Variants in RBFOX2 observed in about 807,000 individuals in gnomAD.
RBFOX2 encodes RNA binding fox-1 homolog 2, also known as RNA binding protein fox-1 homolog 2.
RBFOX2 carries 10 observed loss-of-function variants against 49.1 expected under a neutral mutation model. That is an observed-to-expected ratio of 0.20 (90% CI 0.13 to 0.35). The LOEUF (loss-of-function observed/expected upper bound fraction) is 0.35, where lower values mean the gene tolerates loss of function less well. Ranked by LOEUF, RBFOX2 falls within the 10% of genes least tolerant of loss-of-function variation. RBFOX2 has a pLI of 1.00. For missense variants in RBFOX2, 323 were observed against 486.9 expected, an observed-to-expected ratio of 0.66 and a Z score of 3.17; for synonymous variants, 183 against 187.4, an observed-to-expected ratio of 0.98 and a Z score of 0.19.
chr22:35,773,784 T>C lies in RBFOX2; in HGVS notation c.453+4241A>G, dbSNP rs192155668. ...ATGTTACAATCTGTGTATTTCTTTA[T>C]TTAATAAGCTTGATAATTATCACCA... On this transcript the variant is annotated intron_variant, in intron 4 of 11. Coordinates refer to ENST00000405409, the Ensembl canonical transcript of RBFOX2. 1.5e-3 allele frequency among the ~76,000 whole-genome samples: 229 copies of C among 152,240 alleles called. 2 individuals are homozygous for C. Among genetic ancestry groups the C allele is most frequent in the Non-Finnish European group, 4.1e-4 (28 of 67,934 alleles).
chr22:35,996,562 G>A (rs1167717902), intron 1 of RBFOX2: 2 of 148,718 alleles, frequency 1.3e-5, no homozygotes, highest in South Asian at 2.1e-4. Context: ...CTGAGATTGT[G>A]CCACTACACT....
In RBFOX2 at chr22:35,759,795, C is replaced by T. The variant is rs962446604; in HGVS notation, c.887+93G>A. On this transcript the variant is annotated intron_variant, in intron 9 of 11. Coordinates refer to ENST00000405409, the Ensembl canonical transcript of RBFOX2. The surrounding 1 kb of genome is among the most constrained non-coding windows in gnomAD (Gnocchi z 4.6). ...ACTGAATGCCTACTCTGTGACACGG[C>T]AACATCCCAGAAGTTATGAAAGGGC... The T allele has an allele frequency of 3.3e-6, 5 of 1,527,420 alleles. No homozygotes were observed. The Admixed American group carries it at 5.5e-5, about 17-fold the overall frequency. The allele number at this position is 1,527,420 out of a possible 1,614,324, so 94.6% of individuals were successfully genotyped here.
chr22:35,916,839 C>T (rs543646491), intron 1 of RBFOX2, among the ~76,000 whole-genome samples: 212 of 151,256 alleles, frequency 1.4e-3, no homozygotes, highest in African/African-American at 4.6e-3. Context: ...CCACTGCACT[C>T]CAGCCTGGGA....
Position 35,761,193 on chromosome 22 carries a change from G to C in RBFOX2, c.754+9C>G. 1 of 1,609,674 alleles carries C rather than the reference G, an allele frequency of 6.2e-7. No homozygotes were observed. Among genetic ancestry groups the C allele is most frequent in the South Asian group, 1.1e-5 (1 of 90,970 alleles). On this transcript the variant is annotated intron_variant, in intron 8 of 11. Transcript: ENST00000405409. ...CAAAATCCATGCCAGGCCAACATAG[G>C]CTACTTACTGATTAAAGGAATGTAA...
chr22:35,741,505 G>C (rs1929942729), exon 12 of RBFOX2: 1 of 152,434 alleles, frequency 6.6e-6, no homozygotes, highest in Admixed American at 6.5e-5. Flanking sequence ...AGTTCAAAAG[G>C]TGACGGGGAG....
intron 5 of RBFOX2, among the ~76,000 whole-genome samples, chr22:35,766,949 A>C (rs1299237700): frequency 6.6e-6 from 1 of 152,172 alleles, no homozygotes; most frequent in Non-Finnish European, 1.5e-5. Context: ...GGTAGGGAAA[A>C]AGAAAAGAGA....
chr22:35,846,869 A>G (rs1006498887), intron 1 of RBFOX2, among the ~76,000 whole-genome samples: 2 of 152,186 alleles, frequency 1.3e-5, no homozygotes, highest in African/African-American at 4.8e-5. Flanking sequence ...AAATTTAGCT[A>G]TACCTCCAAT....
intron 4 of RBFOX2, among the ~76,000 whole-genome samples, chr22:35,772,719 T>A (rs1227922118): frequency 2.0e-5 from 3 of 152,178 alleles, no homozygotes; most frequent in Non-Finnish European, 4.4e-5. Flanking sequence ...GGTGTATGGT[T>A]GTAGTTAAAA....
intron 4 of RBFOX2, among the ~76,000 whole-genome samples, chr22:35,769,188 A>G (rs976166865): frequency 6.6e-6 from 1 of 152,198 alleles, no homozygotes; most frequent in Non-Finnish European, 1.5e-5. Flanking sequence ...CTTTCTATAT[A>G]TAGAGAAAAA....
At chr22:35,898,751 A>G (rs2048186399) in intron 1 of RBFOX2, among the ~76,000 whole-genome samples, 1 of 152,188 alleles carries the variant, frequency 6.6e-6, no homozygotes, top group Non-Finnish European at 1.5e-5. Context: ...TTAACCAAGT[A>G]TCAATAAAAT....
chr22:35,928,642 G>GGACGAA (rs1264966258), intron 1 of RBFOX2, among the ~76,000 whole-genome samples: 1 of 152,154 alleles, frequency 6.6e-6, no homozygotes, highest in Non-Finnish European at 1.5e-5. Context: ...TATTGGAGAA[G>GGACGAA]GACGAAGATA....
intron 1 of RBFOX2, chr22:35,999,719 T>C (rs2058332025): frequency 6.6e-6 from 1 of 151,890 alleles, no homozygotes; most frequent in Admixed American, 6.6e-5. Flanking sequence ...CCCATGTTCA[T>C]GGGGGAAAAA....
chr22:35,775,714 GC>G (rs1232122632), intron 4 of RBFOX2, among the ~76,000 whole-genome samples: 1 of 151,418 alleles, frequency 6.6e-6, no homozygotes, highest in East Asian at 1.9e-4. Flanking sequence ...GGTAGTGTGC[GC>G]CTGTTATCCC....
chr22:35,973,344 T>G (rs908762875), intron 1 of RBFOX2, among the ~76,000 whole-genome samples: 1 of 152,054 alleles, frequency 6.6e-6, no homozygotes, highest in African/African-American at 2.4e-5. Flanking sequence ...CTTACAGGAG[T>G]CAGTAACTGT....
chr22:35,867,534 T>C (rs1180418297), intron 1 of RBFOX2, among the ~76,000 whole-genome samples: 1 of 152,214 alleles, frequency 6.6e-6, no homozygotes, highest in East Asian at 1.9e-4. Context: ...ACAAAATCAG[T>C]ATGCAGAAAC....
At chr22:35,777,326 A>C (rs1247547304) in intron 4 of RBFOX2, among the ~76,000 whole-genome samples, 1 of 152,216 alleles carries the variant, frequency 6.6e-6, no homozygotes, top group Non-Finnish European at 1.5e-5. Context: ...AGGGGAAATA[A>C]ATTTTAATTA....
At chr22:35,952,959 C>T (rs1389831809) in intron 1 of RBFOX2, among the ~76,000 whole-genome samples, 1 of 152,000 alleles carries the variant, frequency 6.6e-6, no homozygotes, top group Non-Finnish European at 1.5e-5. Context: ...CACCTGTAAT[C>T]CCAGAATTTT....
chr22:35,808,271 A>T (rs1951141459), intron 2 of RBFOX2, among the ~76,000 whole-genome samples: 1 of 144,220 alleles, frequency 6.9e-6, no homozygotes, highest in Admixed American at 6.6e-5. Flanking sequence ...TTACCTATCA[A>T]GCCTAGACTC....
chr22:35,948,067 T>C (rs1213869879), intron 1 of RBFOX2, among the ~76,000 whole-genome samples: 1 of 152,242 alleles, frequency 6.6e-6, no homozygotes, highest in Non-Finnish European at 1.5e-5. Flanking sequence ...TTTTATCTTT[T>C]ATACTGTATT....
Sources: allele counts gnomAD v4.1 joint callset (sites outside exome capture counted in the v4.1 genomes callset), GRCh38; gene constraint gnomAD v4.1.1; non-coding constraint Gnocchi (gnomAD v3.1); transcripts MANE v1.5; gene names NCBI Gene and HGNC (gene_info 2026-07-23, HGNC 2026-07-21).